MAPK14: variants seen among roughly 807,000 people sequenced by gnomAD.
MAPK14 encodes the protein mitogen-activated protein kinase 14.
In MAPK14, 16 loss-of-function variants were observed where a neutral mutation model predicts 49.6. That is an observed-to-expected ratio of 0.32 (90% CI 0.22 to 0.49). The LOEUF is 0.49. Ranked by LOEUF, MAPK14 falls within the 20% of genes least tolerant of loss-of-function variation. The probability of loss-of-function intolerance (pLI) is 0.99; values close to 1 mark genes in which losing one functional copy is unlikely to be tolerated. For missense variants in MAPK14, 200 were observed against 441.2 expected (o/e 0.45, Z 4.90); for synonymous variants, 142 against 158.0 (o/e 0.90, Z 0.76).
intron 3 of MAPK14, among the ~76,000 whole-genome samples, chr6:36,071,199 G>A (rs1430226281): frequency 1.3e-5 from 2 of 152,004 alleles, no homozygotes; most frequent in Non-Finnish European, 2.9e-5. Flanking sequence ...CAGGCATGGT[G>A]GCGAGTACCT....
At chr6:36,032,274 C>T (rs1762573971) in intron 1 of MAPK14, among the ~76,000 whole-genome samples, 1 of 151,990 alleles carries the variant, frequency 6.6e-6, no homozygotes, top group Non-Finnish European at 1.5e-5. Context: ...AAGTAGAAGC[C>T]TGTGTGATAA....
chr6:36,074,898 G>A (rs1038757824), intron 6 of MAPK14, among the ~76,000 whole-genome samples: 1 of 151,718 alleles, frequency 6.6e-6, no homozygotes, highest in Non-Finnish European at 1.5e-5. Context: ...GCAGGTGTGA[G>A]CCATTGCTCC....
chr6:36,067,796 C>G (rs1764118884), intron 3 of MAPK14, among the ~76,000 whole-genome samples: 1 of 152,108 alleles, frequency 6.6e-6, no homozygotes, highest in Admixed American at 6.5e-5. Context: ...GAGCCCTTGT[C>G]TTATCTTACT....
intron 9 of MAPK14, 110 bp from the exon 10 acceptor site, chr6:36,102,461 G>A: frequency 1.3e-6 from 1 of 786,094 alleles, no homozygotes; most frequent in Non-Finnish European, 2.2e-6. Flanking sequence ...AAACACTGAA[G>A]TTAGTGGACT....
At chr6:36,094,071 C>T (rs1323062412) in intron 8 of MAPK14, among the ~76,000 whole-genome samples, 2 of 152,204 alleles carry the variant, frequency 1.3e-5, no homozygotes, top group Admixed American at 6.5e-5. Flanking sequence ...ATCCCACCCC[C>T]ATTCCTACTC....
Position 36,084,104 on chromosome 6 carries a change from AT to A in MAPK14, c.682+7497del, listed in dbSNP as rs1325600148. ...ACCCCCAGCAAACTGCAGCAGCCCT[AT>A]GGAAGAGGGGCCTGACTGTTAAAAG... is the stretch of plus-strand genomic sequence containing the variant. On this transcript the variant is annotated intron_variant, in intron 8 of 11. Coordinates refer to ENST00000229794, the MANE Select transcript of MAPK14 (RefSeq NM_139012.3). 2.6e-5 allele frequency among the ~76,000 whole-genome samples: 4 copies of A among 152,330 alleles called. No individual in the cohort carries two copies. In the East Asian group the frequency reaches 7.7e-4, roughly 29 times the overall value.
chr6:36,038,716 G>T (rs889077405), intron 1 of MAPK14, among the ~76,000 whole-genome samples: 1 of 152,104 alleles, frequency 6.6e-6, no homozygotes, highest in African/African-American at 2.4e-5. Context: ...TTGGGCCCTA[G>T]AAATTTAGGG....
chr6:36,071,369 T>C (rs1351788343), intron 3 of MAPK14, among the ~76,000 whole-genome samples: 3 of 151,968 alleles, frequency 2.0e-5, no homozygotes, highest in Admixed American at 2.0e-4. Context: ...TTAGAACCGA[T>C]CTACTTTCTA....
rs533426065 is a variant in MAPK14 at position 36,078,288 on chromosome 6, C to T, written c.682+1680C>T. On this transcript the variant is annotated intron_variant, in intron 8 of 11. Transcript: ENST00000229794. ...AGAAAATAACTGGAAAGTACTGAGA[C>T]GAGCCTGCCAGTAAATGTTAGCCAT... Among the ~76,000 whole-genome samples the T allele has an allele frequency of 2.0e-5, 3 of 152,176 alleles. No homozygotes were observed. In the South Asian group the frequency reaches 6.2e-4, roughly 31 times the overall value.
intron 8 of MAPK14, among the ~76,000 whole-genome samples, chr6:36,093,739 A>C (rs894531555): frequency 1.6e-4 from 24 of 151,694 alleles, no homozygotes; most frequent in African/African-American, 5.3e-4. Context: ...AAAAAAAAAA[A>C]AAAACAACTG....
At chr6:36,090,548 CAG>C (rs1212199591) in intron 8 of MAPK14, among the ~76,000 whole-genome samples, 2 of 140,790 alleles carry the variant, frequency 1.4e-5, no homozygotes, top group African/African-American at 5.5e-5. Context: ...TTTTTGGAGA[CAG>C]AGTCTCGCTC....
rs371708244 is a variant in MAPK14, at chr6:36,041,750, A to T, written c.117-10949A>T. ...TAGGTATTAATGCAACATAATTTTG[A>T]AAGTTTGAAATATATAGGTATAAAT... On this transcript the variant is annotated intron_variant, in intron 1 of 11. Coordinates refer to ENST00000229794, the MANE Select transcript of MAPK14 (RefSeq NM_139012.3). Among the ~76,000 whole-genome samples, 23 of 152,346 alleles carry T rather than the reference A, an allele frequency of 1.5e-4. 1 individual carries two copies. The South Asian group carries it at 4.8e-3, about 32-fold the overall frequency.
At position 36,028,291 on chromosome 6, in the gene MAPK14, T is replaced by TG; in HGVS notation, c.116+22dup. On this transcript the variant is annotated intron_variant, in intron 1 of 11. Coordinates refer to ENST00000229794, the MANE Select transcript of MAPK14 (RefSeq NM_139012.3). The surrounding 1 kb of genome is among the most constrained non-coding windows in gnomAD (Gnocchi z 5.1). ...TCTGTGTGGTGAGTGTCGCTGGGCC[T>TG]GGGGCCGCTGTGGGCAGGGTGGCCC... The TG allele has an allele frequency of 6.3e-7, 1 of 1,588,122 alleles. No homozygotes were observed. Among genetic ancestry groups the TG allele is most frequent in the Non-Finnish European group, 8.6e-7 (1 of 1,157,108 alleles).
chr6:36,043,413 A>AT (rs1763044203), intron 1 of MAPK14, among the ~76,000 whole-genome samples: 1 of 152,142 alleles, frequency 6.6e-6, no homozygotes, highest in South Asian at 2.1e-4. Flanking sequence ...TTAAGTTCCA[A>AT]TTTTTGCATA....
At chr6:36,036,403 C>G (rs1296223982) in intron 1 of MAPK14, among the ~76,000 whole-genome samples, 1 of 152,058 alleles carries the variant, frequency 6.6e-6, no homozygotes, top group Non-Finnish European at 1.5e-5. Context: ...ATTACATAAA[C>G]TTAGTTGATA....
intron 1 of MAPK14, among the ~76,000 whole-genome samples, chr6:36,029,403 A>C (rs1762447365): frequency 6.6e-6 from 1 of 152,206 alleles, no homozygotes; most frequent in Non-Finnish European, 1.5e-5. Context: ...ATATTTCACT[A>C]ACTGCTCTCT....
intron 8 of MAPK14, among the ~76,000 whole-genome samples, chr6:36,084,232 A>C (rs907623968): frequency 6.6e-6 from 1 of 152,214 alleles, no homozygotes; most frequent in Admixed American, 6.5e-5. Flanking sequence ...AAAGTCATGA[A>C]GATGAGAAAG....
the MAPK14 span, among the ~76,000 whole-genome samples, chr6:36,117,461 A>G: frequency 6.6e-6 from 1 of 151,306 alleles, no homozygotes; most frequent in Non-Finnish European, 1.5e-5. Context: ...CCTTGACATC[A>G]CTCCCTCAGT....
chr6:36,059,976 T>G (rs1269055064), intron 3 of MAPK14, among the ~76,000 whole-genome samples: 1 of 152,254 alleles, frequency 6.6e-6, no homozygotes, highest in Non-Finnish European at 1.5e-5. Flanking sequence ...GGGCAGACTC[T>G]ACCTGTTGAG....
Sources: allele counts gnomAD v4.1 joint callset (sites outside exome capture counted in the v4.1 genomes callset), GRCh38; gene constraint gnomAD v4.1.1; non-coding constraint Gnocchi (gnomAD v3.1); transcripts MANE v1.5; gene names NCBI Gene and HGNC (gene_info 2026-07-23, HGNC 2026-07-21).